EML5: variants seen among roughly 807,000 people sequenced by gnomAD.
EML5 encodes the protein echinoderm microtubule-associated protein-like 5.
EML5 carries 120 observed loss-of-function variants against 250.0 expected under a neutral mutation model. The observed-to-expected ratio is 0.48, with a 90% CI of 0.41 to 0.56. EML5 has a LOEUF of 0.56. EML5 is among the 20% of genes least tolerant of loss of function. The pLI, the probability that EML5 is intolerant of heterozygous loss-of-function variation, is 0.00. For synonymous variants in EML5, 771 were observed against 806.5 expected, an observed-to-expected ratio of 0.96 and a Z score of 0.75; for missense variants, 2,006 against 2,437.6, an observed-to-expected ratio of 0.82 and a Z score of 3.73.
In EML5 at chr14:88,621,891, T is replaced by A. The variant is rs780363115; in HGVS notation, c.5014-590A>T. 4 of 456,384 alleles carry A rather than the reference T, an allele frequency of 8.8e-6. No individual in the cohort carries two copies. In the Middle Eastern group the frequency reaches 9.7e-4, roughly 111 times the overall value. 28.3% of individuals were successfully genotyped at this position (456,384 alleles called of 1,614,324 possible). A position where few individuals can be genotyped will look rare whatever the true frequency, so the allele number is the denominator to read the frequency against. Reference sequence around the variant, plus strand: ...TTTGTGATGGAAACTTTCAAAATCCTCTCTTGTAAATACCTGAAAATACAT... The same window carrying A: ...TTTGTGATGGAAACTTTCAAAATCCACTCTTGTAAATACCTGAAAATACAT... On this transcript the variant is annotated intron_variant, in intron 37 of 43. Coordinates refer to ENST00000554922, the MANE Select transcript of EML5 (RefSeq NM_183387.3).
chr14:88,753,250 G>A (rs1352481722), intron 2 of EML5, among the ~76,000 whole-genome samples: 2 of 152,140 alleles, frequency 1.3e-5, no homozygotes, highest in East Asian at 1.9e-4. Flanking sequence ...CAAGGGGTTT[G>A]AGCTGGGCAG....
rs371578525 is a variant in EML5 at position 88,702,461 on chromosome 14, G to A, written c.2223C>T (p.Tyr741=). 2.7e-5 allele frequency: 43 copies of A among 1,610,818 alleles called. No homozygotes were observed. The highest frequency in any genetic ancestry group is 1.9e-4 in the African/African-American group (14 of 74,896). ...LCLTIHPLKD[Y]VATGQVGRDP... ...TCAAACCTACCTGGCCTGTTGCCAC[G>A]TAGTCTTTCAAAGGATGAATAGTTA... is the stretch of plus-strand genomic sequence containing the variant. The change falls in exon 14 of 44, where the codon TAC becomes TAT. Residue 741 remains tyrosine (Y), a synonymous_variant. Coordinates refer to ENST00000554922, the MANE Select transcript of EML5 (RefSeq NM_183387.3).
At chr14:88,782,847 AGGTG>A (rs2094510807) in intron 1 of EML5, among the ~76,000 whole-genome samples, 2 of 152,166 alleles carry the variant, frequency 1.3e-5, no homozygotes, top group Admixed American at 6.5e-5. Context: ...TGGGAGGCTG[AGGTG>A]GGTGGATCAC....
chr14:88,683,383 T>A (rs1417798627), intron 20 of EML5, among the ~76,000 whole-genome samples: 1 of 152,190 alleles, frequency 6.6e-6, no homozygotes, highest in Non-Finnish European at 1.5e-5. Flanking sequence ...CCAAGGAAAA[T>A]GTTGAAAACA....
chr14:88,790,054 TCA>T (rs2094590049), intron 1 of EML5, among the ~76,000 whole-genome samples: 1 of 152,214 alleles, frequency 6.6e-6, no homozygotes, highest in Non-Finnish European at 1.5e-5. Context: ...GTTTCTATAC[TCA>T]CAAGTCAAAC....
At chr14:88,718,943 A>G (rs1443773334) in intron 8 of EML5, among the ~76,000 whole-genome samples, 1 of 152,196 alleles carries the variant, frequency 6.6e-6, no homozygotes, top group Non-Finnish European at 1.5e-5. Flanking sequence ...CAAGACGCAG[A>G]GCAGAAAAAA....
At chr14:88,666,161 A>G (rs751606428) in intron 21 of EML5, among the ~76,000 whole-genome samples, 3 of 152,244 alleles carry the variant, frequency 2.0e-5, no homozygotes, top group Non-Finnish European at 4.4e-5. Flanking sequence ...GAAGTTTTGC[A>G]GAGTAGGTTT....
intron 33 of EML5, among the ~76,000 whole-genome samples, chr14:88,631,789 A>G (rs1275431945): frequency 6.6e-6 from 1 of 152,068 alleles, no homozygotes; most frequent in Non-Finnish European, 1.5e-5. Flanking sequence ...AAAAAAACAA[A>G]ACAGAAAAAC....
chr14:88,614,645 C>G lies in EML5; in HGVS notation c.*1173G>C, dbSNP rs1262525021. 1 of 152,162 alleles carries G rather than the reference C, an allele frequency of 6.6e-6. No homozygotes were observed. The highest frequency in any genetic ancestry group is 1.5e-5 in the Non-Finnish European group (1 of 68,024). The allele number at this position is 152,162 out of a possible 1,614,324, so 9.4% of individuals were successfully genotyped here. A position where few individuals can be genotyped will look rare whatever the true frequency, so the allele number is the denominator to read the frequency against. ...TTTAAATAGCAGTCTACATAATTTT[C>G]AATCTTCAGGAAACTACAGATAGGC... is the stretch of plus-strand genomic sequence containing the variant. On this transcript the variant is annotated 3_prime_UTR_variant, in exon 44 of 44. Coordinates refer to ENST00000554922, the MANE Select transcript of EML5 (RefSeq NM_183387.3).
In EML5 at chr14:88,763,427, C is replaced by T. The variant is rs1271209425; in HGVS notation, c.198-8756G>A. 2.6e-5 allele frequency among the ~76,000 whole-genome samples: 4 copies of T among 152,202 alleles called. No individual in the cohort carries two copies. In the East Asian group the frequency reaches 5.8e-4, roughly 22 times the overall value. On this transcript the variant is annotated intron_variant, in intron 1 of 43. Transcript: ENST00000554922. ...TAGAAGAACTGGATAAATTTCTAGA[C>T]ACACACACCCCCCCAAGACTAAACC...
chr14:88,776,977 T>A (rs753430125), intron 1 of EML5, among the ~76,000 whole-genome samples: 7 of 152,212 alleles, frequency 4.6e-5, no homozygotes, highest in Non-Finnish European at 7.4e-5. Flanking sequence ...GTTACTGGCC[T>A]TAAAGAGGAG....
At chr14:88,785,619 GATC>G (rs1566802780) in intron 1 of EML5, among the ~76,000 whole-genome samples, 2 of 152,148 alleles carry the variant, frequency 1.3e-5, no homozygotes, top group African/African-American at 4.8e-5. Flanking sequence ...AAAATTCTGT[GATC>G]ATCACTGACC....
intron 21 of EML5, among the ~76,000 whole-genome samples, chr14:88,671,423 A>T (rs1027105607): frequency 6.6e-6 from 1 of 152,212 alleles, no homozygotes; most frequent in Admixed American, 6.5e-5. Flanking sequence ...ATGGAAAGGA[A>T]AAAGTGTTAC....
At chr14:88,699,306 T>A (rs568868058) in intron 14 of EML5, among the ~76,000 whole-genome samples, 1 of 152,014 alleles carries the variant, frequency 6.6e-6, no homozygotes, top group Non-Finnish European at 1.5e-5. Flanking sequence ...AAAAATAGTT[T>A]ACAAAGAGGC....
In EML5 at chr14:88,620,442, GA is replaced by G. The variant is rs2088684961; in HGVS notation, c.5375+311del. On this transcript the variant is annotated intron_variant, in intron 39 of 43. Coordinates refer to ENST00000554922, the MANE Select transcript of EML5 (RefSeq NM_183387.3). This position sits in a 1 kb window ranked among gnomAD's most constrained non-coding sequence, Gnocchi z 4.3. Reference sequence around the variant, plus strand: ...CCAGGGTGACAACTTTTGAAGGGCAGATAGCTCTCTTGTATTACAGTGGGAG... The same window carrying G: ...CCAGGGTGACAACTTTTGAAGGGCAGTAGCTCTCTTGTATTACAGTGGGAG... 9.0e-6 allele frequency: 2 copies of G among 222,872 alleles called. No individual in the cohort carries two copies. Among genetic ancestry groups the G allele is most frequent in the East Asian group, 1.9e-4 (2 of 10,606 alleles). The allele number at this position is 222,872 out of a possible 1,614,324, so 13.8% of individuals were successfully genotyped here. A position where few individuals can be genotyped will look rare whatever the true frequency, so the allele number is the denominator to read the frequency against.
chr14:88,754,708 A>T, intron 1 of EML5, 37 bp from the exon 2 acceptor site: 4 of 1,531,888 alleles, frequency 2.6e-6, no homozygotes, highest in Non-Finnish European at 3.5e-6. Context: ...GTATTATTAA[A>T]AATTGCTTAT....
At chr14:88,645,163 C>T (rs576734834) in intron 29 of EML5, among the ~76,000 whole-genome samples, 11 of 151,978 alleles carry the variant, frequency 7.2e-5, no homozygotes, top group African/African-American at 2.7e-4. Context: ...GTAACTGGAA[C>T]AACAAGCGTG....
At chr14:88,790,879 CTATTA>C (rs2094599173) in intron 1 of EML5, among the ~76,000 whole-genome samples, 1 of 152,122 alleles carries the variant, frequency 6.6e-6, no homozygotes, top group Non-Finnish European at 1.5e-5. Context: ...GCAATTTGGG[CTATTA>C]TAATAGGTCT....
chr14:88,687,426 G>A (rs2092858873), intron 18 of EML5, 99 bp from the exon 19 acceptor site: 1 of 809,772 alleles, frequency 1.2e-6, no homozygotes. Context: ...AAAGAACATA[G>A]TCAAAAGTTA....
Sources: gnomAD v4.1 joint callset for allele counts (sites outside exome capture counted in the v4.1 genomes callset) on GRCh38, gnomAD v4.1.1 for gene constraint, Gnocchi (gnomAD v3.1) non-coding constraint, MANE v1.5 for transcripts, NCBI Gene and HGNC (gene_info 2026-07-23, HGNC 2026-07-21) for gene names.